Variants in FAM181A observed in about 807,000 individuals in gnomAD.
FAM181A encodes the protein protein FAM181A.
Under a neutral mutation model 16.3 loss-of-function variants are expected in FAM181A, and 7 were observed. The observed-to-expected ratio is 0.43, with a 90% confidence interval of 0.24 to 0.81. The LOEUF (loss-of-function observed/expected upper bound fraction) is 0.81. FAM181A is among the 30% of genes least tolerant of loss of function. The pLI is 0.24. For missense variants in FAM181A, 349 were observed against 377.5 expected, an observed-to-expected ratio of 0.92 and a Z score of 0.63; for synonymous variants, 183 against 164.9, an observed-to-expected ratio of 1.11 and a Z score of -0.84.
At chr14:93,927,542 G>A (rs1176106853) in intron 1 of FAM181A, 88 bp downstream of exon 1, 26 of 1,284,428 alleles carry the variant, frequency 2.0e-5, no homozygotes, top group Non-Finnish European at 2.6e-5. Context: ...AGGTGCCGTG[G>A]GTGGCGGCCG....
upstream of FAM181A, among the ~76,000 whole-genome samples, chr14:93,924,396 G>A (rs1268337731): frequency 1.3e-5 from 2 of 152,178 alleles, no homozygotes; most frequent in Non-Finnish European, 2.9e-5. Context: ...CTGTAAATGG[G>A]AAAAATAATC....
rs1334169554 is a variant in FAM181A, at chr14:93,928,364, A to G, written c.79A>G (p.Lys27Glu). 1 of 1,613,898 alleles carries G rather than the reference A, an allele frequency of 6.2e-7. No homozygotes were observed. Among genetic ancestry groups the G allele is most frequent in the Non-Finnish European group, 8.5e-7 (1 of 1,180,016 alleles). The change falls in exon 2 of 2, where the codon AAG becomes GAG. Residue 27 changes from lysine to glutamate, a missense_variant. Physicochemically the swap from Lys to Glu is moderately conservative, Grantham distance 56. Transcript: ENST00000556222. Reference protein sequence around the residue: ...ASSDIKAALDKSAPCRRSVDH... With the variant: ...ASSDIKAALDESAPCRRSVDH... ...CAGCGACATCAAGGCAGCCCTGGAT[A>G]AGTCCGCACCCTGCCGCCGCTCCGT...
rs762070225 is a variant in FAM181A, at chr14:93,928,543, T to C, written c.258T>C (p.Asp86=). ...PRRLLLDLGP[D]SSPGGGGGCK... Reference sequence around the variant, plus strand: ...GGCTGCTCCTGGATTTGGGCCCTGATTCCAGCCCCGGCGGGGGTGGGGGCT... The same window carrying C: ...GGCTGCTCCTGGATTTGGGCCCTGACTCCAGCCCCGGCGGGGGTGGGGGCT... Residue 86 remains aspartate, a synonymous_variant, in exon 2 of 2, where the codon GAT becomes GAC. Transcript: ENST00000556222. The C allele has an allele frequency of 4.3e-6, 7 of 1,612,594 alleles. No homozygotes were observed. Among genetic ancestry groups the C allele is most frequent in the African/African-American group, 1.3e-5 (1 of 74,928 alleles).
intron 1 of FAM181A, 63 bp downstream of exon 1, chr14:93,927,517 C>T (rs950935167): frequency 2.4e-6 from 3 of 1,270,012 alleles, no homozygotes; most frequent in Non-Finnish European, 3.1e-6. Flanking sequence ...CAGGCTGGGG[C>T]CTGGGGGAGG....
At position 93,929,226 on chromosome 14, in the gene FAM181A, G is replaced by T; in HGVS notation, c.*62G>T. 1 of 1,494,772 alleles carries T rather than the reference G, an allele frequency of 6.7e-7. No individual in the cohort carries two copies. Among genetic ancestry groups the T allele is most frequent in the Non-Finnish European group, 8.9e-7 (1 of 1,128,456 alleles). 92.6% of individuals were successfully genotyped at this position (1,494,772 alleles called of 1,614,324 possible). A position where few individuals can be genotyped will look rare whatever the true frequency, so the allele number is the denominator to read the frequency against. On this transcript the variant is annotated 3_prime_UTR_variant, in exon 2 of 2. Coordinates refer to ENST00000556222, the MANE Select transcript of FAM181A (RefSeq NM_001207073.2). ...GCAGGAGTGTCGAGGTCCCCGAGGC[G>T]CTCTCCTGTGAGGAGGTGGCTGGGC...
At chr14:93,923,833 C>G (rs1887810003), upstream of FAM181A, 1 of 152,240 alleles carries the variant, frequency 6.6e-6, no homozygotes, top group African/African-American at 2.4e-5. Flanking sequence ...GCGCTTCCAG[C>G]TTTCATGTGC....
Position 93,927,471 on chromosome 14 carries a change from G to A in FAM181A, c.-88+17G>A, listed in dbSNP as rs1361648848. ...GCACCTTCGGTCAGTGTGGAGGCCC[G>A]GTGGCTCTGGCCCGACTGGGTGGCG... On this transcript the variant is annotated intron_variant, in intron 1 of 1. Transcript: ENST00000556222. 9.6e-6 allele frequency: 12 copies of A among 1,249,780 alleles called. No individual in the cohort carries two copies. The highest frequency in any genetic ancestry group is 3.1e-5 in the African/African-American group (2 of 65,348). 77.4% of individuals were successfully genotyped at this position (1,249,780 alleles called of 1,614,324 possible).
chr14:93,928,892 T>C lies in FAM181A; in HGVS notation c.607T>C (p.Ser203Pro), dbSNP rs764601077. Residue 203 changes from serine to proline, a missense_variant, in exon 2 of 2, where the codon TCC (serine) becomes CCC (proline). By Grantham distance (74) the Ser-to-Pro change is moderately conservative (BLOSUM62 -1). Coordinates refer to ENST00000556222, the MANE Select transcript of FAM181A (RefSeq NM_001207073.2). ...EKEPLKMPGV[S>P]LVGRVNAWSC... ...GGAGCCGCTCAAGATGCCTGGGGTC[T>C]CCTTGGTGGGCCGCGTCAATGCCTG... is the stretch of plus-strand genomic sequence containing the variant. The C allele has an allele frequency of 6.2e-7, 1 of 1,614,186 alleles. No homozygotes were observed. The highest frequency in any genetic ancestry group is 2.2e-5 in the East Asian group (1 of 44,878).
In FAM181A at chr14:93,920,356, C is replaced by T. The variant is rs183286619; in HGVS notation, c.-225+1362C>T. Among the ~76,000 whole-genome samples, 57 of 152,032 alleles carry T rather than the reference C, an allele frequency of 3.7e-4. No individual in the cohort carries two copies. The South Asian group carries it at 7.3e-3, about 19-fold the overall frequency. ...GCTTGAGTCCAGGAGGTCAAGACACCGCAGTGTGCCACAATTGTGCCACTG... is the reference window on the plus strand; with the variant it reads ...GCTTGAGTCCAGGAGGTCAAGACACTGCAGTGTGCCACAATTGTGCCACTG... On this transcript the variant is annotated intron_variant, in intron 1 of 2. Coordinates refer to the FAM181A transcript ENST00000267594.
upstream of FAM181A, among the ~76,000 whole-genome samples, chr14:93,925,696 C>T (rs1220546211): frequency 6.6e-6 from 1 of 151,670 alleles, no homozygotes; most frequent in Non-Finnish European, 1.5e-5. Flanking sequence ...ATCTAGGATG[C>T]GTCAGTCCAG....
chr14:93,923,115 C>T (rs985267631), upstream of FAM181A, among the ~76,000 whole-genome samples: 2 of 152,122 alleles, frequency 1.3e-5, no homozygotes, highest in African/African-American at 4.8e-5. Context: ...GCTGGGATTA[C>T]AGGCACCCGC....
In FAM181A at chr14:93,928,280, CT is replaced by C; in HGVS notation, c.-5del. The C allele has an allele frequency of 1.2e-6, 2 of 1,613,842 alleles. No homozygotes were observed. The highest frequency in any genetic ancestry group is 1.7e-6 in the Non-Finnish European group (2 of 1,180,028). On this transcript the variant is annotated 5_prime_UTR_variant, in exon 2 of 2. Coordinates refer to ENST00000556222, the MANE Select transcript of FAM181A (RefSeq NM_001207073.2). Reference sequence around the variant, plus strand: ...ATGGAAAGCCTCGTGCAGTGGCCCCCTGGTGATGGCATCCGACAGTGATGTG... The same window carrying C: ...ATGGAAAGCCTCGTGCAGTGGCCCCCGGTGATGGCATCCGACAGTGATGTG...
rs1169334200 is a variant in FAM181A, at chr14:93,928,967, C to T, written c.682C>T (p.Leu228=). ...TGGACAGCCCATCTATCCGGGCCCC[C>T]TGGGGGCACTGCCTCAGAGTCCTGT... The part of the protein sequence containing the change: ...YHGQPIYPGP[L]GALPQSPVPS... The change falls in exon 2 of 2, where the codon CTG becomes TTG. Residue 228 remains leucine, a synonymous_variant. Transcript: ENST00000556222. 2 of 1,613,716 alleles carry T rather than the reference C, an allele frequency of 1.2e-6. No individual in the cohort carries two copies. Among genetic ancestry groups the T allele is most frequent in the Non-Finnish European group, 1.7e-6 (2 of 1,179,932 alleles).
Position 93,928,100 on chromosome 14 carries a change from C to G in FAM181A, c.-87-99C>G, listed in dbSNP as rs942596293. On this transcript the variant is annotated intron_variant, in intron 1 of 1. Coordinates refer to ENST00000556222, the MANE Select transcript of FAM181A (RefSeq NM_001207073.2). Reference sequence around the variant, plus strand: ...GGACTCTGTTTAGGGCTGAGAGGTGCTGGGGTGGGGAGACTGTTTGTAGAC... The same window carrying G: ...GGACTCTGTTTAGGGCTGAGAGGTGGTGGGGTGGGGAGACTGTTTGTAGAC... The G allele has an allele frequency of 3.3e-6, 5 of 1,523,916 alleles. No individual in the cohort carries two copies. In the African/African-American group the frequency reaches 6.8e-5, roughly 21 times the overall value. The allele number at this position is 1,523,916 out of a possible 1,614,324, so 94.4% of individuals were successfully genotyped here.
At chr14:93,927,229 G>GA, upstream of FAM181A, 1 of 966,314 alleles carries the variant, frequency 1.0e-6, no homozygotes, top group Non-Finnish European at 1.2e-6. Context: ...AAGAATGTGG[G>GA]AACGGGGCGC....
intron 1 of FAM181A, among the ~76,000 whole-genome samples, chr14:93,919,258 C>G (rs938894493): frequency 6.6e-6 from 1 of 152,176 alleles, no homozygotes; most frequent in Admixed American, 6.5e-5. Context: ...CATTATCAAC[C>G]CTGCCAGGGA....
chr14:93,928,210 G>T lies in FAM181A; in HGVS notation c.-76G>T, dbSNP rs756465934. 1.2e-6 allele frequency: 2 copies of T among 1,613,056 alleles called. No individual in the cohort carries two copies. Among genetic ancestry groups the T allele is most frequent in the Non-Finnish European group, 8.5e-7 (1 of 1,179,700 alleles). ...GTTTTGTCCCCCAGGTCAGCTCGGTGCCCTTCCTTGGAGCTGCCGGCCACC... is the reference window on the plus strand; with the variant it reads ...GTTTTGTCCCCCAGGTCAGCTCGGTTCCCTTCCTTGGAGCTGCCGGCCACC... On this transcript the variant is annotated 5_prime_UTR_variant, in exon 2 of 2. Coordinates refer to ENST00000556222, the MANE Select transcript of FAM181A (RefSeq NM_001207073.2).
chr14:93,919,924 T>C (rs1345187574), intron 1 of FAM181A, among the ~76,000 whole-genome samples: 1 of 148,670 alleles, frequency 6.7e-6, no homozygotes, highest in Non-Finnish European at 1.5e-5. Flanking sequence ...AAAAGAAAAG[T>C]GAAATAAGCC....
At position 93,928,386 on chromosome 14, in the gene FAM181A, C is replaced by T; in HGVS notation, c.101C>T (p.Ser34Phe). 6.2e-7 allele frequency: 1 copy of T among 1,613,958 alleles called. No homozygotes were observed. Among genetic ancestry groups the T allele is most frequent in the South Asian group, 1.1e-5 (1 of 91,090 alleles). The change falls in exon 2 of 2, where the codon TCC becomes TTC. Residue 34 changes from serine to phenylalanine, a missense_variant. Ser to Phe is a radical substitution (Grantham distance 155). Transcript: ENST00000556222. ...GATAAGTCCGCACCCTGCCGCCGCTCCGTGGACCATCGCAAGTACCTGCAG... is the reference window on the plus strand; with the variant it reads ...GATAAGTCCGCACCCTGCCGCCGCTTCGTGGACCATCGCAAGTACCTGCAG... Reference protein sequence around the residue: ...ALDKSAPCRRSVDHRKYLQKQ... With the variant: ...ALDKSAPCRRFVDHRKYLQKQ...
Sources: allele counts gnomAD v4.1 joint callset (sites outside exome capture counted in the v4.1 genomes callset), GRCh38; gene constraint gnomAD v4.1.1; transcripts MANE v1.5; gene names NCBI Gene and HGNC (gene_info 2026-07-23, HGNC 2026-07-21).